Variants in NALF1 observed in about 807,000 individuals in gnomAD.
NALF1 encodes the protein family with sequence similarity 155 member A.
NALF1 carries 3 observed loss-of-function variants against 48.4 expected under a neutral mutation model. That is an observed-to-expected ratio of 0.06 (90% CI 0.03 to 0.16). The LOEUF (loss-of-function observed/expected upper bound fraction) is 0.16, where lower values mean the gene tolerates loss of function less well. Ranked by LOEUF, NALF1 falls within the 10% of genes least tolerant of loss-of-function variation. The pLI, the probability that NALF1 is intolerant of heterozygous loss-of-function variation, is 1.00. For synonymous variants in NALF1, 262 were observed against 245.7 expected, an observed-to-expected ratio of 1.07 and a Z score of -0.62; for missense variants, 526 against 571.5, an observed-to-expected ratio of 0.92 and a Z score of 0.81.
At chr13:107,575,822 C>T (rs563755526) in intron 1 of NALF1, among the ~76,000 whole-genome samples, 61 of 152,114 alleles carry the variant, frequency 4.0e-4, no homozygotes, top group African/African-American at 1.2e-3. Flanking sequence ...GCCTTGGAGT[C>T]CGGATTTCAG....
At chr13:107,509,166 C>T (rs1875800043) in intron 1 of NALF1, among the ~76,000 whole-genome samples, 1 of 151,516 alleles carries the variant, frequency 6.6e-6, no homozygotes, top group South Asian at 2.1e-4. Context: ...CTACTGTTAG[C>T]TTATATATTC....
intron 1 of NALF1, among the ~76,000 whole-genome samples, chr13:107,575,107 G>A (rs1249063177): frequency 6.6e-6 from 1 of 152,004 alleles, no homozygotes; most frequent in African/African-American, 2.4e-5. Flanking sequence ...AAGGCCCACC[G>A]TGAAATTCCA....
At chr13:107,223,411 A>T (rs1288702375) in intron 1 of NALF1, among the ~76,000 whole-genome samples, 1 of 152,172 alleles carries the variant, frequency 6.6e-6, no homozygotes, top group Non-Finnish European at 1.5e-5. Context: ...TTTTCTTCCT[A>T]ACTTTTGCCA....
chr13:107,828,603 CT>C (rs1263697827), intron 1 of NALF1, among the ~76,000 whole-genome samples: 5,046 of 35,986 alleles, frequency 0.14, 263 homozygotes, highest in East Asian at 0.37. Context: ...ATATCTATAT[CT>C]ATACACACAC....
At chr13:107,336,051 G>C (rs1028871882) in intron 1 of NALF1, among the ~76,000 whole-genome samples, 1 of 151,910 alleles carries the variant, frequency 6.6e-6, no homozygotes, top group East Asian at 1.9e-4. Flanking sequence ...TGTCTTACTA[G>C]TATTTAAAAT....
At chr13:107,333,476 C>T (rs186138158) in intron 1 of NALF1, among the ~76,000 whole-genome samples, 8 of 152,298 alleles carry the variant, frequency 5.3e-5, no homozygotes, top group Admixed American at 3.9e-4. Flanking sequence ...TGGCTCTGTG[C>T]GACCTCAGTT....
intron 1 of NALF1, among the ~76,000 whole-genome samples, chr13:107,702,106 T>C (rs1881836351): frequency 6.6e-6 from 1 of 152,214 alleles, no homozygotes; most frequent in Non-Finnish European, 1.5e-5. Flanking sequence ...AAGGTAGCTA[T>C]ACATATATGG....
chr13:107,771,721 G>A (rs1022713901), intron 1 of NALF1, among the ~76,000 whole-genome samples: 11 of 152,070 alleles, frequency 7.2e-5, no homozygotes, highest in African/African-American at 2.7e-4. Context: ...CAGATATCCA[G>A]ATATCTGCAG....
At chr13:107,543,706 T>TACAC (rs888876525) in intron 1 of NALF1, among the ~76,000 whole-genome samples, 1 of 151,912 alleles carries the variant, frequency 6.6e-6, no homozygotes, top group Non-Finnish European at 1.5e-5. Flanking sequence ...CGTATATATA[T>TACAC]ACACACACAC....
intron 1 of NALF1, among the ~76,000 whole-genome samples, chr13:107,221,284 T>TA (rs142569724): frequency 0.033 from 4,947 of 152,200 alleles, 121 homozygotes; most frequent in East Asian, 0.084. Context: ...TATTGAAATT[T>TA]AAAAAATTCA....
chr13:107,197,534 A>T (rs541285841), intron 2 of NALF1, among the ~76,000 whole-genome samples: 6 of 152,294 alleles, frequency 3.9e-5, no homozygotes, highest in African/African-American at 1.4e-4. Context: ...AATATGACCA[A>T]GAAAGTCCCT....
intron 2 of NALF1, among the ~76,000 whole-genome samples, chr13:107,189,448 T>C (rs541575581): frequency 4.6e-5 from 7 of 152,254 alleles, no homozygotes; most frequent in African/African-American, 1.7e-4. Flanking sequence ...AATGAACCCT[T>C]AGAGGGTTGT....
intron 1 of NALF1, among the ~76,000 whole-genome samples, chr13:107,515,940 T>C (rs1876037332): frequency 6.6e-6 from 1 of 152,164 alleles, no homozygotes; most frequent in Admixed American, 6.5e-5. Context: ...TGAAAAAATC[T>C]CACAAAGAGG....
chr13:107,433,555 C>T (rs905440715), intron 1 of NALF1, among the ~76,000 whole-genome samples: 8 of 151,724 alleles, frequency 5.3e-5, no homozygotes, highest in African/African-American at 1.7e-4. Context: ...TGCACATGTA[C>T]CCTAAAACTT....
chr13:107,341,535 A>C (rs1302308250), intron 1 of NALF1, among the ~76,000 whole-genome samples: 1 of 152,212 alleles, frequency 6.6e-6, no homozygotes, highest in Admixed American at 6.6e-5. Context: ...TGGCAAAAAT[A>C]ATAGTACTCA....
intron 1 of NALF1, among the ~76,000 whole-genome samples, chr13:107,366,933 G>A (rs1025509874): frequency 6.6e-6 from 1 of 152,128 alleles, no homozygotes; most frequent in Non-Finnish European, 1.5e-5. Context: ...CTAGTCATAC[G>A]CCATTGGCCA....
chr13:107,866,332 G>A lies in NALF1; in HGVS notation c.265C>T (p.Arg89Trp). 6.2e-7 allele frequency: 1 copy of A among 1,609,522 alleles called. No homozygotes were observed. The stretch of plus-strand genomic sequence containing the variant: ...CGCCGCTGCTGCTGCTGCTGCTGCC[G>A]CTGCCTCTGCTGCTGCTGCTGCTGC... ...QQQQQQQQRQ[R>W]QQQQQQRRQQ... Residue 89 changes from arginine to tryptophan, a missense_variant, in exon 1 of 3, where the codon CGG (arginine) becomes TGG (tryptophan). Arg to Trp is a moderately radical substitution (Grantham distance 101, BLOSUM62 -3). Around this residue, in one of 2 missense-constraint regions of NALF1, gnomAD observed 373 missense variants for 355.5 expected, o/e 1.05. Transcript: ENST00000375915. This position sits in a 1 kb window ranked among gnomAD's most constrained non-coding sequence, Gnocchi z 4.4.
intron 1 of NALF1, among the ~76,000 whole-genome samples, chr13:107,641,572 A>AAT (rs1272645556): frequency 6.6e-6 from 1 of 152,184 alleles, no homozygotes; most frequent in African/African-American, 2.4e-5. Flanking sequence ...GGAAAAAACA[A>AAT]ATAGAGATTT....
At chr13:107,493,834 G>T (rs77507342) in intron 1 of NALF1, among the ~76,000 whole-genome samples, 3,410 of 152,226 alleles carry the variant, frequency 0.022, 57 homozygotes, top group African/African-American at 0.038. Context: ...AGGCTGTAAT[G>T]AACTATAATT....
Sources: gnomAD v4.1 joint callset for allele counts (sites outside exome capture counted in the v4.1 genomes callset) on GRCh38, gnomAD v4.1.1 for gene constraint, gnomAD v4.1.1 regional missense constraint, Gnocchi (gnomAD v3.1) non-coding constraint, MANE v1.5 for transcripts, NCBI Gene and HGNC (gene_info 2026-07-23, HGNC 2026-07-21) for gene names.